The following ZNF714 variants were observed in gnomAD, a reference collection of about 807,000 sequenced individuals.
ZNF714 encodes the protein zinc finger protein 714.
ZNF714 carries 32 observed loss-of-function variants against 46.2 expected under a neutral mutation model. That is an observed-to-expected ratio of 0.69 (90% CI 0.52 to 0.93). The LOEUF (loss-of-function observed/expected upper bound fraction) is 0.93, where lower values mean the gene tolerates loss of function less well. Among genes scored for constraint, ZNF714 ranks in the 40% least tolerant of loss-of-function variants. ZNF714 has a pLI of 0.00. For synonymous variants in ZNF714, 199 were observed against 213.1 expected (o/e 0.93, Z 0.58); for missense variants, 635 against 646.3 (o/e 0.98, Z 0.19).
chr19:21,086,183 A>C (rs550596383), intron 2 of ZNF714, among the ~76,000 whole-genome samples: 1 of 152,292 alleles, frequency 6.6e-6, no homozygotes, highest in South Asian at 2.1e-4. Context: ...TATTTAGACC[A>C]CTGAAGACAA....
At chr19:21,105,602 G>A (rs1039172755) in intron 4 of ZNF714, among the ~76,000 whole-genome samples, 8 of 151,672 alleles carry the variant, frequency 5.3e-5, no homozygotes, top group African/African-American at 1.5e-4. Context: ...TAAGAGATTC[G>A]CTAGTTTTTT....
At position 21,098,923 on chromosome 19, in the gene ZNF714, G is replaced by T. The variant is rs1454664872; in HGVS notation, c.142+13G>T. 1 of 1,393,908 alleles carries T rather than the reference G, an allele frequency of 7.2e-7. No homozygotes were observed. Among genetic ancestry groups the T allele is most frequent in the South Asian group, 1.2e-5 (1 of 82,302 alleles). 86.3% of individuals were successfully genotyped at this position (1,393,908 alleles called of 1,614,324 possible). A position where few individuals can be genotyped will look rare whatever the true frequency, so the allele number is the denominator to read the frequency against. ...GATGAATCCCCAGGTAGGTGAGAGTGAACACAACAGATGACACAGATGAGA... is the reference window on the plus strand; with the variant it reads ...GATGAATCCCCAGGTAGGTGAGAGTTAACACAACAGATGACACAGATGAGA... On this transcript the variant is annotated intron_variant, in intron 4 of 4. Coordinates refer to ENST00000456283, the MANE Select transcript of ZNF714 (RefSeq NM_182515.4).
rs1165328467 is a variant in ZNF714, at chr19:21,124,718, T to C, written c.*6386T>C. Among the ~76,000 whole-genome samples, 1 of 152,116 alleles carries C rather than the reference T, an allele frequency of 6.6e-6. No individual in the cohort carries two copies. Among genetic ancestry groups the C allele is most frequent in the Non-Finnish European group, 1.5e-5 (1 of 68,018 alleles). On this transcript the variant is annotated 3_prime_UTR_variant, in exon 5 of 5. Transcript: ENST00000456283. ...TGAACTTATTTCTCCTATTTGACTA[T>C]AATTACTTATTATTTGACAGACTTT...
At position 21,124,067 on chromosome 19, in the gene ZNF714, CAG is replaced by C. The variant is rs564025332; in HGVS notation, c.*5737_*5738del. 1.3e-4 allele frequency: 20 copies of C among 152,292 alleles called. No homozygotes were observed. In the East Asian group the frequency reaches 3.9e-3, roughly 29 times the overall value. The allele number at this position is 152,292 out of a possible 1,614,324, so 9.4% of individuals were successfully genotyped here. On this transcript the variant is annotated 3_prime_UTR_variant, in exon 5 of 5. Coordinates refer to ENST00000456283, the MANE Select transcript of ZNF714 (RefSeq NM_182515.4). The stretch of plus-strand genomic sequence containing the variant: ...GCTTTCATACCATTACCACCAGTAC[CAG>C]AAACTCCAGGTGGCCCAAGCTTAAA...
chr19:21,098,360 T>G (rs775428322), intron 3 of ZNF714, 49 bp downstream of exon 3: 27 of 1,577,974 alleles, frequency 1.7e-5, no homozygotes, highest in Non-Finnish European at 2.2e-5. Flanking sequence ...AAACGTTTTA[T>G]GTCTCTTTTT....
intron 4 of ZNF714, among the ~76,000 whole-genome samples, chr19:21,106,204 G>C (rs1056181596): frequency 2.0e-5 from 3 of 151,932 alleles, no homozygotes; most frequent in Non-Finnish European, 2.9e-5. Flanking sequence ...TCAGTGAGCC[G>C]AGGTCGCACC....
At chr19:21,089,958 T>C (rs1034574290) in intron 2 of ZNF714, among the ~76,000 whole-genome samples, 1 of 152,238 alleles carries the variant, frequency 6.6e-6, no homozygotes, top group African/African-American at 2.4e-5. Flanking sequence ...CCTAGTGACG[T>C]GGCTGGCTGC....
At chr19:21,101,435 G>A (rs73537710) in intron 4 of ZNF714, among the ~76,000 whole-genome samples, 8,850 of 152,140 alleles carry the variant, frequency 0.058, 842 homozygotes, top group African/African-American at 0.2. Context: ...TTTATTTTTG[G>A]ACAGATTATT....
At chr19:21,106,023 G>A (rs1038487371) in intron 4 of ZNF714, among the ~76,000 whole-genome samples, 2 of 152,068 alleles carry the variant, frequency 1.3e-5, no homozygotes, top group Non-Finnish European at 2.9e-5. Context: ...GGCTAAGGCG[G>A]GAGGGTCACG....
chr19:21,082,297 G>C lies in ZNF714; in HGVS notation c.-228G>C. On this transcript the variant is annotated 5_prime_UTR_variant, in exon 1 of 5. Transcript: ENST00000456283. ...GCCTCTGTGGCCCTGTGACCTGCAGGTATTGAGAGATCCACAGCTAAGACG... is the reference window on the plus strand; with the variant it reads ...GCCTCTGTGGCCCTGTGACCTGCAGCTATTGAGAGATCCACAGCTAAGACG... 1 of 1,445,582 alleles carries C rather than the reference G, an allele frequency of 6.9e-7. No homozygotes were observed. 89.5% of individuals were successfully genotyped at this position (1,445,582 alleles called of 1,614,324 possible). A position where few individuals can be genotyped will look rare whatever the true frequency, so the allele number is the denominator to read the frequency against.
rs963104581 is a variant in ZNF714 at position 21,124,521 on chromosome 19, G to A, written c.*6189G>A. Among the ~76,000 whole-genome samples the A allele has an allele frequency of 1.3e-5, 2 of 152,130 alleles. No individual in the cohort carries two copies. Among genetic ancestry groups the A allele is most frequent in the African/African-American group, 4.8e-5 (2 of 41,428 alleles). On this transcript the variant is annotated 3_prime_UTR_variant, in exon 5 of 5. Coordinates refer to ENST00000456283, the MANE Select transcript of ZNF714 (RefSeq NM_182515.4). ...ATATTTTCTTTCAACTTGAGAAAAT[G>A]TGTGCTTTTTCTGTAGAACATATTT...
In ZNF714 at chr19:21,124,524, T is replaced by C. The variant is rs973297489; in HGVS notation, c.*6192T>C. On this transcript the variant is annotated 3_prime_UTR_variant, in exon 5 of 5. Transcript: ENST00000456283. ...TTTTCTTTCAACTTGAGAAAATGTG[T>C]GCTTTTTCTGTAGAACATATTTTGA... 2.0e-5 allele frequency among the ~76,000 whole-genome samples: 3 copies of C among 152,250 alleles called. No homozygotes were observed. Among genetic ancestry groups the C allele is most frequent in the African/African-American group, 7.2e-5 (3 of 41,476 alleles).
intron 2 of ZNF714, among the ~76,000 whole-genome samples, chr19:21,089,867 T>TAG (rs113060938): frequency 0.17 from 23,632 of 141,488 alleles, 4,606 homozygotes; most frequent in African/African-American, 0.31. Context: ...TCAGTTTACA[T>TAG]AGAGAGGCTA....
At position 21,117,616 on chromosome 19, in the gene ZNF714, T is replaced by A. The variant is rs767514241; in HGVS notation, c.952T>A (p.Cys318Ser). The change falls in exon 5 of 5, where the codon TGT becomes AGT. Residue 318 changes from cysteine (C) to serine (S), a missense_variant. Cys to Ser is a moderately radical substitution (Grantham distance 112). Transcript: ENST00000456283. ...SGEKSYKCEQ[C>S]GKGFNWSSTL... ...AGAGAAATCTTACAAATGTGAACAATGTGGCAAAGGCTTTAACTGGTCTTC... is the reference window on the plus strand; with the variant it reads ...AGAGAAATCTTACAAATGTGAACAAAGTGGCAAAGGCTTTAACTGGTCTTC... 1.9e-6 allele frequency: 3 copies of A among 1,612,082 alleles called. No homozygotes were observed. The African/African-American group carries it at 4.0e-5, about 22-fold the overall frequency.
In ZNF714 at chr19:21,112,420, TG is replaced by T. The variant is rs1243550937; in HGVS notation, c.143-4383del. On this transcript the variant is annotated intron_variant, in intron 4 of 4. Coordinates refer to ENST00000456283, the MANE Select transcript of ZNF714 (RefSeq NM_182515.4). ...TTTCTGAAAGTTGTTTTTATTTCTATGGGGTCAGTGGTGATATCCCCTTTAT... is the reference window on the plus strand; with the variant it reads ...TTTCTGAAAGTTGTTTTTATTTCTATGGGTCAGTGGTGATATCCCCTTTAT... Among the ~76,000 whole-genome samples the T allele has an allele frequency of 2.6e-5, 4 of 152,190 alleles. No homozygotes were observed. In the East Asian group the frequency reaches 7.7e-4, roughly 29 times the overall value.
chr19:21,099,642 A>G (rs1182474513), intron 4 of ZNF714, among the ~76,000 whole-genome samples: 1 of 152,158 alleles, frequency 6.6e-6, no homozygotes, highest in East Asian at 1.9e-4. Flanking sequence ...GAAATTATAA[A>G]TTATGATGTC....
rs1198750409 is a variant in ZNF714 at position 21,118,180 on chromosome 19, A to G, written c.1516A>G (p.Met506Val). Reference protein sequence around the residue: ...LTKHRKIQQGMVAHACNPNTL... With the variant: ...LTKHRKIQQGVVAHACNPNTL... ...TAAACATAGGAAAATTCAGCAGGGC[A>G]TGGTGGCTCATGCCTGTAATCCCAA... is the stretch of plus-strand genomic sequence containing the variant. The change falls in exon 5 of 5, where the codon ATG (methionine) becomes GTG (valine). Residue 506 changes from methionine (M) to valine (V), a missense_variant. Coordinates refer to ENST00000456283, the MANE Select transcript of ZNF714 (RefSeq NM_182515.4). 1 of 1,610,820 alleles carries G rather than the reference A, an allele frequency of 6.2e-7. No individual in the cohort carries two copies. The highest frequency in any genetic ancestry group is 1.1e-5 in the South Asian group (1 of 90,748).
At chr19:21,115,339 G>T (rs1470022) in intron 4 of ZNF714, among the ~76,000 whole-genome samples, 141,798 of 151,896 alleles carry the variant, frequency 0.93, 66,264 homozygotes, top group Middle Eastern at 0.98. Context: ...GTATGTGCAT[G>T]TTTCCCTAGA....
chr19:21,115,742 G>T (rs1033554942), intron 4 of ZNF714, among the ~76,000 whole-genome samples: 1 of 151,484 alleles, frequency 6.6e-6, no homozygotes, highest in African/African-American at 2.4e-5. Context: ...ATATCTTTGT[G>T]TGTATCCTAA....
Sources: gnomAD v4.1 joint callset for allele counts (sites outside exome capture counted in the v4.1 genomes callset) on GRCh38, gnomAD v4.1.1 for gene constraint, MANE v1.5 for transcripts, NCBI Gene and HGNC (gene_info 2026-07-23, HGNC 2026-07-21) for gene names.